RPTOR: variants seen among roughly 807,000 people sequenced by gnomAD.
RPTOR encodes regulatory-associated protein of mTOR.
RPTOR carries 21 observed loss-of-function variants against 169.9 expected under a neutral mutation model. The ratio of observed to expected loss-of-function variants is 0.12; its 90% CI spans 0.09 to 0.18. The LOEUF is 0.18. RPTOR is among the 10% of genes least tolerant of loss of function. RPTOR has a pLI of 1.00. For missense variants in RPTOR, 1,133 were observed against 1,855.9 expected (o/e 0.61, Z 7.16); for synonymous variants, 732 against 753.2 (o/e 0.97, Z 0.46).
At position 80,794,315 on chromosome 17, in the gene RPTOR, A is replaced by G. The variant is rs375164096; in HGVS notation, c.890+2806A>G. Among the ~76,000 whole-genome samples, 22 of 152,356 alleles carry G rather than the reference A, an allele frequency of 1.4e-4. No individual in the cohort carries two copies. The East Asian group carries it at 1.9e-3, about 13-fold the overall frequency. The stretch of plus-strand genomic sequence containing the variant: ...ACACTTCACCAAAGAGGATTTAGGG[A>G]TGGCAAATATGCTTATGAAAAGATC... On this transcript the variant is annotated intron_variant, in intron 7 of 33. Transcript: ENST00000306801.
At chr17:80,624,245 C>T (rs953444171) in intron 1 of RPTOR, among the ~76,000 whole-genome samples, 12 of 152,016 alleles carry the variant, frequency 7.9e-5, no homozygotes, top group Admixed American at 3.3e-4. Flanking sequence ...TTACTGAGAA[C>T]AGTTAAAGGT....
intron 9 of RPTOR, among the ~76,000 whole-genome samples, chr17:80,829,797 G>A (rs72856013): frequency 0.092 from 13,970 of 152,248 alleles, 806 homozygotes; most frequent in South Asian, 0.15. Context: ...GTCTGACATC[G>A]TGTCTTCTTG....
At chr17:80,877,118 G>C (rs1022093789) in intron 13 of RPTOR, among the ~76,000 whole-genome samples, 17 of 152,160 alleles carry the variant, frequency 1.1e-4, no homozygotes, top group African/African-American at 3.6e-4. Flanking sequence ...TTGCCTGCTG[G>C]CTGCCGTTCT....
chr17:80,698,454 A>G (rs1159135267), intron 3 of RPTOR, among the ~76,000 whole-genome samples: 3 of 152,206 alleles, frequency 2.0e-5, no homozygotes, highest in Non-Finnish European at 4.4e-5. Flanking sequence ...GCATGTGGTC[A>G]TGGCCTGCTC....
chr17:80,617,987 C>CTTTTTTTTTTTT (rs1197342364), intron 1 of RPTOR, among the ~76,000 whole-genome samples: 2 of 146,362 alleles, frequency 1.4e-5, no homozygotes, highest in African/African-American at 5.1e-5. Context: ...ATAGTTACAA[C>CTTTTTTTTTTTT]TTTTTTTTTT....
rs1460830996 is a variant in RPTOR, at chr17:80,885,064, G to T, written c.1899G>T (p.Arg633Ser). ...CGTTCGTGGGCAACTCTGCAGAGAGGACGGACCACTCCACCACCATCGACC... is the reference window on the plus strand; with the variant it reads ...CGTTCGTGGGCAACTCTGCAGAGAGTACGGACCACTCCACCACCATCGACC... Reference protein sequence around the residue: ...LGTFVGNSAERTDHSTTIDHN... With the variant: ...LGTFVGNSAESTDHSTTIDHN... The change falls in exon 17 of 34, where the codon AGG becomes AGT. Residue 633 changes from arginine (R) to serine (S), a missense_variant. Coordinates refer to ENST00000306801, the MANE Select transcript of RPTOR (RefSeq NM_020761.3). 6.2e-7 allele frequency: 1 copy of T among 1,607,830 alleles called. No individual in the cohort carries two copies. Among genetic ancestry groups the T allele is most frequent in the African/African-American group, 1.3e-5 (1 of 75,026 alleles).
At chr17:80,866,393 G>A (rs920669421) in intron 13 of RPTOR, among the ~76,000 whole-genome samples, 6 of 152,018 alleles carry the variant, frequency 3.9e-5, no homozygotes, top group African/African-American at 1.4e-4. Flanking sequence ...ACCTGAAGAG[G>A]GCAGCGTGAG....
At chr17:80,925,329 T>G (rs1598404788) in intron 23 of RPTOR, 41 bp from the exon 24 acceptor site, 1 of 1,534,188 alleles carries the variant, frequency 6.5e-7, no homozygotes. Flanking sequence ...GACTGACTGG[T>G]GTTTCTTTTT....
chr17:80,576,794 C>G (rs1240921945), intron 1 of RPTOR, among the ~76,000 whole-genome samples: 1 of 152,232 alleles, frequency 6.6e-6, no homozygotes, highest in Non-Finnish European at 1.5e-5. Flanking sequence ...ACCTCCACCT[C>G]CTGGGTTCAA....
chr17:80,927,693 ATGTG>A (rs1567991842), intron 24 of RPTOR, among the ~76,000 whole-genome samples: 3 of 143,412 alleles, frequency 2.1e-5, no homozygotes, highest in Admixed American at 1.4e-4. Context: ...GTATCTCTGT[ATGTG>A]TGTATGTGTA....
intron 7 of RPTOR, among the ~76,000 whole-genome samples, chr17:80,811,764 A>AC (rs2067275478): frequency 6.7e-6 from 1 of 148,890 alleles, no homozygotes; most frequent in African/African-American, 2.5e-5. Flanking sequence ...CACTCTACCC[A>AC]AGGGACACAA....
At chr17:80,962,826 C>T (rs2069362477) in intron 32 of RPTOR, 102 bp from the exon 33 acceptor site, 3 of 1,554,660 alleles carry the variant, frequency 1.9e-6, no homozygotes, top group Non-Finnish European at 2.6e-6. Flanking sequence ...CCAGCCTGTC[C>T]CCGTGGTCTA....
intron 6 of RPTOR, among the ~76,000 whole-genome samples, chr17:80,771,947 G>C (rs1598294396): frequency 6.6e-6 from 1 of 152,180 alleles, no homozygotes; most frequent in Non-Finnish European, 1.5e-5. Context: ...AGCCTCCCTG[G>C]TAACTGGGTC....
At chr17:80,768,139 G>A (rs896950379) in intron 6 of RPTOR, among the ~76,000 whole-genome samples, 6 of 152,208 alleles carry the variant, frequency 3.9e-5, no homozygotes, top group African/African-American at 2.4e-5. Flanking sequence ...TGGGATTACA[G>A]GCGTGAGCCA....
intron 10 of RPTOR, among the ~76,000 whole-genome samples, chr17:80,840,766 GCT>G (rs1409819182): frequency 8.6e-6 from 1 of 115,756 alleles, no homozygotes; most frequent in Admixed American, 9.1e-5. Context: ...CCACACGGCA[GCT>G]CTCACCACAC....
At chr17:80,774,059 G>T in intron 6 of RPTOR, 1 of 985,404 alleles carries the variant, frequency 1.0e-6, no homozygotes, top group Non-Finnish European at 1.2e-6. Flanking sequence ...TTTCTTCGTT[G>T]AAAGAAGCAC....
chr17:80,778,427 C>A (rs1338650994), intron 6 of RPTOR, among the ~76,000 whole-genome samples: 1 of 152,226 alleles, frequency 6.6e-6, no homozygotes, highest in Non-Finnish European at 1.5e-5. Context: ...CATTTGAAAG[C>A]AGCAGTTAGA....
At chr17:80,614,958 C>T (rs567186857) in intron 1 of RPTOR, among the ~76,000 whole-genome samples, 2 of 152,162 alleles carry the variant, frequency 1.3e-5, no homozygotes, top group Non-Finnish European at 2.9e-5. Flanking sequence ...TGGCCTTGTC[C>T]TGCGGTAATT....
At chr17:80,933,641 C>G (rs2068923444) in intron 24 of RPTOR, among the ~76,000 whole-genome samples, 1 of 152,156 alleles carries the variant, frequency 6.6e-6, no homozygotes. Flanking sequence ...ATAAGGGACC[C>G]AGAATAACAA....
Sources: gnomAD v4.1 joint callset for allele counts (sites outside exome capture counted in the v4.1 genomes callset) on GRCh38, gnomAD v4.1.1 for gene constraint, MANE v1.5 for transcripts, NCBI Gene and HGNC (gene_info 2026-07-23, HGNC 2026-07-21) for gene names.